DRC3: variants seen among roughly 807,000 people sequenced by gnomAD.
DRC3 encodes the protein leucine rich repeat containing 48.
In DRC3, 45 loss-of-function variants were observed where a neutral mutation model predicts 57.6. The observed-to-expected ratio is 0.78, with a 90% CI of 0.62 to 1.00. The LOEUF (loss-of-function observed/expected upper bound fraction) is 1.00, where lower values mean the gene tolerates loss of function less well. Ranked by LOEUF, DRC3 falls within the 50% of genes least tolerant of loss-of-function variation. DRC3 has a pLI of 0.00. For synonymous variants in DRC3, 257 were observed against 272.3 expected, an observed-to-expected ratio of 0.94 and a Z score of 0.55; for missense variants, 655 against 675.2, an observed-to-expected ratio of 0.97 and a Z score of 0.33.
intron 8 of DRC3, among the ~76,000 whole-genome samples, chr17:17,995,933 C>A (rs1003138842): frequency 6.6e-6 from 1 of 152,202 alleles, no homozygotes; most frequent in Non-Finnish European, 1.5e-5. Context: ...TGTAGTGAGA[C>A]CCTATCTGTA....
chr17:18,007,017 G>A lies in DRC3; in HGVS notation c.1203-7G>A. ...CTCCCGGGCCTTTGCTTAACTCGGG[G>A]CTGCACGATGGCTCAGTGCCGGGAC... On this transcript the variant is annotated splice_region_variant and splice_polypyrimidine_tract_variant and intron_variant, in intron 11 of 13. Transcript: ENST00000399187. 6.2e-7 allele frequency: 1 copy of A among 1,613,166 alleles called. No homozygotes were observed. The highest frequency in any genetic ancestry group is 8.5e-7 in the Non-Finnish European group (1 of 1,179,524).
intron 12 of DRC3, chr17:18,011,158 T>C (rs983803741): frequency 4.5e-6 from 1 of 220,064 alleles, no homozygotes. Flanking sequence ...GGTTTCTCCA[T>C]GTTGGTCAGG....
At chr17:17,995,717 G>A (rs2043429820) in intron 8 of DRC3, 1 of 152,632 alleles carries the variant, frequency 6.6e-6, no homozygotes. Flanking sequence ...GAATCAAGGA[G>A]CTCCTGGATC....
chr17:17,976,365 C>T (rs1228789592), intron 2 of DRC3, among the ~76,000 whole-genome samples: 2 of 152,156 alleles, frequency 1.3e-5, no homozygotes, highest in Non-Finnish European at 2.9e-5. Flanking sequence ...TCAGTCAAAT[C>T]CCTCTGGACC....
chr17:18,000,460 C>CT (rs1293674990), intron 9 of DRC3, among the ~76,000 whole-genome samples: 1 of 151,922 alleles, frequency 6.6e-6, no homozygotes, highest in East Asian at 1.9e-4. Flanking sequence ...AAAGTAGCTT[C>CT]TTTTTTTTAT....
rs540178549 is a variant in DRC3, at chr17:17,994,280, A to G, written c.592-19A>G. ...CGGAGGAACCTCTGGTAACAATGCC[A>G]CTCCCGTTCCCTGGTCAGAAAAAGC... On this transcript the variant is annotated intron_variant, in intron 6 of 13. Transcript: ENST00000399187. 41 of 1,550,690 alleles carry G rather than the reference A, an allele frequency of 2.6e-5. No homozygotes were observed. The East Asian group carries it at 9.8e-4, about 37-fold the overall frequency.
chr17:18,006,973 G>A, intron 11 of DRC3, 51 bp from the exon 12 acceptor site: 1 of 1,608,372 alleles, frequency 6.2e-7, no homozygotes, highest in Admixed American at 1.7e-5. Context: ...AGAGCATCAG[G>A]GACGCGCCGG....
chr17:17,992,054 C>T (rs370884294), intron 5 of DRC3, among the ~76,000 whole-genome samples: 9 of 152,140 alleles, frequency 5.9e-5, no homozygotes, highest in East Asian at 3.9e-4. Flanking sequence ...GCTGGTGGAT[C>T]GCTTGAGCCT....
intron 3 of DRC3, among the ~76,000 whole-genome samples, chr17:17,981,744 C>T (rs2042700982): frequency 6.6e-6 from 1 of 152,192 alleles, no homozygotes; most frequent in Non-Finnish European, 1.5e-5. Context: ...GTCACCCAGG[C>T]TGCAGTGCAG....
At chr17:18,001,893 G>T (rs1411029262) in intron 9 of DRC3, among the ~76,000 whole-genome samples, 1 of 151,978 alleles carries the variant, frequency 6.6e-6, no homozygotes, top group African/African-American at 2.4e-5. Flanking sequence ...TTGGCCGGAC[G>T]CAGTGGCTTA....
intron 1 of DRC3, among the ~76,000 whole-genome samples, chr17:17,973,299 C>T (rs1181003848): frequency 6.6e-6 from 1 of 152,190 alleles, no homozygotes; most frequent in East Asian, 1.9e-4. Context: ...CCACTGATAA[C>T]TTTTCCCAGA....
At chr17:17,992,706 C>T in intron 5 of DRC3, 59 bp from the exon 6 acceptor site, 1 of 1,559,144 alleles carries the variant, frequency 6.4e-7, no homozygotes, top group South Asian at 1.2e-5. Flanking sequence ...GGAGGTGCAG[C>T]TGTGTTTTCA....
chr17:17,999,136 C>G, intron 9 of DRC3, among the ~76,000 whole-genome samples: 1 of 152,210 alleles, frequency 6.6e-6, no homozygotes, highest in Non-Finnish European at 1.5e-5. Context: ...AGCAGCGAGT[C>G]CCTCTGCAGA....
chr17:18,004,694 A>G (rs574624172), intron 10 of DRC3, 200 bp downstream of exon 10: 1 of 586,812 alleles, frequency 1.7e-6, no homozygotes, highest in East Asian at 3.0e-5. Context: ...ATTCTTGTGG[A>G]AAATGAGAGG....
chr17:18,007,623 C>A, intron 12 of DRC3: 1 of 1,412,026 alleles, frequency 7.1e-7, no homozygotes, highest in Non-Finnish European at 9.3e-7. Context: ...TCAGCAGGGT[C>A]GGCCTGAGGA....
chr17:18,004,822 CCAAA>C (rs903384727), intron 10 of DRC3: 19 of 263,822 alleles, frequency 7.2e-5, no homozygotes, highest in East Asian at 1.7e-4. Context: ...CACTTGGGGA[CCAAA>C]CAAAGACCCC....
At chr17:18,012,857 A>G (rs1216254378) in intron 12 of DRC3, among the ~76,000 whole-genome samples, 2 of 152,208 alleles carry the variant, frequency 1.3e-5, no homozygotes, top group Admixed American at 1.3e-4. Flanking sequence ...CAAATGAAAC[A>G]ACAGAGTGAA....
intron 4 of DRC3, among the ~76,000 whole-genome samples, chr17:17,985,183 C>T (rs1181165133): frequency 6.6e-6 from 1 of 152,192 alleles, no homozygotes; most frequent in Non-Finnish European, 1.5e-5. Context: ...GTCTGCTTAC[C>T]CAGAGAGAAA....
chr17:18,015,940 G>C, intron 12 of DRC3, 124 bp from the exon 13 acceptor site: 1 of 965,694 alleles, frequency 1.0e-6, no homozygotes, highest in East Asian at 2.5e-5. Flanking sequence ...TACAAAGGTG[G>C]GCTCTGCTCT....
Sources: allele counts gnomAD v4.1 joint callset (sites outside exome capture counted in the v4.1 genomes callset), GRCh38; gene constraint gnomAD v4.1.1; transcripts MANE v1.5; gene names NCBI Gene and HGNC (gene_info 2026-07-23, HGNC 2026-07-21).